Variants in GRM4 observed in about 807,000 individuals in gnomAD.
The protein encoded by GRM4 is glutamate metabotropic receptor 4.
A neutral mutation model predicts 81.7 loss-of-function variants in GRM4; 28 were observed. That is an observed-to-expected ratio of 0.34 (90% CI 0.25 to 0.47). GRM4 has a LOEUF of 0.47. Ranked by LOEUF, GRM4 falls within the 20% of genes least tolerant of loss-of-function variation. GRM4 has a pLI of 1.00. For missense variants in GRM4, 948 were observed against 1,290.0 expected (o/e 0.73, Z 4.06); for synonymous variants, 488 against 528.8 (o/e 0.92, Z 1.06).
intron 5 of GRM4, 40 bp downstream of exon 5, chr6:34,058,934 T>A (rs1342548711): frequency 3.2e-6 from 5 of 1,564,348 alleles, no homozygotes; most frequent in Non-Finnish European, 4.4e-6. Context: ...GGAGGAGCAG[T>A]CCAGGATGGT....
chr6:34,149,945 G>T (rs1771011966), upstream of GRM4, among the ~76,000 whole-genome samples: 2 of 152,188 alleles, frequency 1.3e-5, no homozygotes, highest in African/African-American at 4.8e-5. Context: ...GTGCCTTGGT[G>T]GGGGAACACT....
rs992159943 is a variant in GRM4 at position 34,059,500 on chromosome 6, G to A, written c.873-372C>T. 9 of 280,744 alleles carry A rather than the reference G, an allele frequency of 3.2e-5. No individual in the cohort carries two copies. Among genetic ancestry groups the A allele is most frequent in the African/African-American group, 1.1e-4 (5 of 46,080 alleles). 17.4% of individuals were successfully genotyped at this position (280,744 alleles called of 1,614,324 possible). ...CTGCCCAGCCCCGGTCCCCTGAGAC[G>A]CATGCCTTCCTGGCTCATCCACCCC... On this transcript the variant is annotated intron_variant, in intron 4 of 10. Transcript: ENST00000538487. This position sits in a 1 kb window ranked among gnomAD's most constrained non-coding sequence, Gnocchi z 5.7.
chr6:34,059,086 A>G lies in GRM4; in HGVS notation c.915T>C (p.His305=). The G allele has an allele frequency of 1.2e-6, 2 of 1,613,926 alleles. No individual in the cohort carries two copies. The highest frequency in any genetic ancestry group is 1.7e-6 in the Non-Finnish European group (2 of 1,179,968). The change falls in exon 5 of 11, where the codon CAT becomes CAC. Residue 305 remains histidine (H), a synonymous_variant. Coordinates refer to ENST00000538487, the MANE Select transcript of GRM4 (RefSeq NM_000841.4). The surrounding 1 kb of genome is among the most constrained non-coding windows in gnomAD (Gnocchi z 5.7). ...EAARRANQTG[H]FFWMGSDSWG... is the part of the protein sequence containing the mutation. Reference sequence around the variant, plus strand: ...AGCTGTCAGAGCCCATCCAGAAGAAATGGCCTGTCTGGTTGGCCCTTCGTG... The same window carrying G: ...AGCTGTCAGAGCCCATCCAGAAGAAGTGGCCTGTCTGGTTGGCCCTTCGTG...
chr6:34,107,273 C>A (rs1769171255), intron 2 of GRM4, among the ~76,000 whole-genome samples: 1 of 152,160 alleles, frequency 6.6e-6, no homozygotes, highest in African/African-American at 2.4e-5. Flanking sequence ...TGGTAAGCTT[C>A]CACTCCCTCT....
chr6:34,110,742 G>A, intron 2 of GRM4: 1 of 1,501,046 alleles, frequency 6.7e-7, no homozygotes, highest in Non-Finnish European at 8.8e-7. Context: ...AGCACCTGCA[G>A]CCCGTGAGTC....
In GRM4 at chr6:34,101,450, G is replaced by A. The variant is rs554992435; in HGVS notation, c.520-9351C>T. On this transcript the variant is annotated intron_variant, in intron 2 of 10. Coordinates refer to ENST00000538487, the MANE Select transcript of GRM4 (RefSeq NM_000841.4). ...CTGTCAGGTAAAACCTGTCTCCTGC[G>A]TACACGGTGGGCCTACACATGCATA... Among the ~76,000 whole-genome samples the A allele has an allele frequency of 1.8e-3, 281 of 152,186 alleles. 1 individual carries two copies. The highest frequency in any genetic ancestry group is 5.3e-3 in the African/African-American group (218 of 41,508).
chr6:34,044,393 TACATACACATATATACACAGACACAC>T, intron 6 of GRM4, among the ~76,000 whole-genome samples: 1 of 139,882 alleles, frequency 7.1e-6, no homozygotes, highest in African/African-American at 2.7e-5. Flanking sequence ...TAGACATACA[TACATACACATATATACACAGACACAC>T]ACATACACAC....
In GRM4 at chr6:34,048,499, T is replaced by C. The variant is rs1012930709; in HGVS notation, c.1169-7751A>G. Among the ~76,000 whole-genome samples, 5 of 151,994 alleles carry C rather than the reference T, an allele frequency of 3.3e-5. No individual in the cohort carries two copies. Among genetic ancestry groups the C allele is most frequent in the Admixed American group, 6.6e-5 (1 of 15,266 alleles). ...CTCTGGGGACTGACTCTCAGGCAAATGTGGATGAGCCGCCCCTGCTAACAA... is the reference window on the plus strand; with the variant it reads ...CTCTGGGGACTGACTCTCAGGCAAACGTGGATGAGCCGCCCCTGCTAACAA... On this transcript the variant is annotated intron_variant, in intron 6 of 10. Coordinates refer to ENST00000538487, the MANE Select transcript of GRM4 (RefSeq NM_000841.4). The surrounding 1 kb of genome is among the most constrained non-coding windows in gnomAD (Gnocchi z 4.0).
Position 34,133,551 on chromosome 6 carries a change from C to A in GRM4, c.-55G>T. 7 of 1,500,944 alleles carry A rather than the reference C, an allele frequency of 4.7e-6. No individual in the cohort carries two copies. Among genetic ancestry groups the A allele is most frequent in the Non-Finnish European group, 6.2e-6 (7 of 1,131,780 alleles). 93.0% of individuals were successfully genotyped at this position (1,500,944 alleles called of 1,614,324 possible). A position where few individuals can be genotyped will look rare whatever the true frequency, so the allele number is the denominator to read the frequency against. On this transcript the variant is annotated 5_prime_UTR_variant, in exon 2 of 11. Transcript: ENST00000538487. This position sits in a 1 kb window ranked among gnomAD's most constrained non-coding sequence, Gnocchi z 6.5. ...CAGGCCCACTCCTAGCCCTGGCAGG[C>A]CCCTGGCCCCACGGCCTGGGTGGGC...
chr6:34,040,532 C>T lies in GRM4; in HGVS notation c.1369+16G>A, dbSNP rs779975717. 5.2e-5 allele frequency: 83 copies of T among 1,605,844 alleles called. No homozygotes were observed. The South Asian group carries it at 8.4e-4, about 16-fold the overall frequency. ...AGGATACCCAGGGTCAGGCACAGTC[C>T]GCACCACACCCCCACCTGAGAAGTT... is the stretch of plus-strand genomic sequence containing the variant. On this transcript the variant is annotated intron_variant, in intron 7 of 10. Transcript: ENST00000538487.
intron 2 of GRM4, chr6:34,103,860 T>A: frequency 7.1e-7 from 1 of 1,412,292 alleles, no homozygotes; most frequent in Non-Finnish European, 9.2e-7. Flanking sequence ...ACTGCGAGGG[T>A]CCCGAGGGAG....
chr6:34,116,095 C>T (rs938513043), intron 2 of GRM4, among the ~76,000 whole-genome samples: 1 of 152,178 alleles, frequency 6.6e-6, no homozygotes, highest in African/African-American at 2.4e-5. Flanking sequence ...GGGTCACCCA[C>T]AAGATTTAAT....
intron 3 of GRM4, among the ~76,000 whole-genome samples, chr6:34,071,214 A>G (rs1678881936): frequency 6.6e-6 from 1 of 151,610 alleles, no homozygotes; most frequent in Non-Finnish European, 1.5e-5. Flanking sequence ...CCTATACATC[A>G]CCACACAGAT....
chr6:34,103,505 G>T, intron 2 of GRM4: 1 of 1,188,124 alleles, frequency 8.4e-7, no homozygotes, highest in Non-Finnish European at 1.2e-6. Flanking sequence ...GGCGGGCGAG[G>T]GAGAGCAAAC....
chr6:34,148,003 C>A (rs1770973717), upstream of GRM4, among the ~76,000 whole-genome samples: 1 of 151,838 alleles, frequency 6.6e-6, no homozygotes, highest in African/African-American at 2.4e-5. Context: ...CTCTCCCCAC[C>A]CCCTGCCCCT....
Position 34,089,763 on chromosome 6 carries a change from A to C in GRM4, c.736+2120T>G. 6.6e-6 allele frequency among the ~76,000 whole-genome samples: 1 copy of C among 152,176 alleles called. No homozygotes were observed. Among genetic ancestry groups the C allele is most frequent in the East Asian group, 1.9e-4 (1 of 5,202 alleles). ...ATTAGATGTTGATAAAAAAAAAATT[A>C]AACAATAGGCTTACCTTCAGCCAAA... On this transcript the variant is annotated intron_variant, in intron 3 of 10. Transcript: ENST00000538487. The surrounding 1 kb of genome is among the most constrained non-coding windows in gnomAD (Gnocchi z 4.3).
chr6:34,107,860 C>G (rs995115697), intron 2 of GRM4, among the ~76,000 whole-genome samples: 2 of 152,308 alleles, frequency 1.3e-5, no homozygotes, highest in African/African-American at 2.4e-5. Flanking sequence ...AAATACAACC[C>G]TCCCTCAAAC....
At position 34,102,096 on chromosome 6, in the gene GRM4, A is replaced by G. The variant is rs1254246722; in HGVS notation, c.520-9997T>C. On this transcript the variant is annotated intron_variant, in intron 2 of 10. Coordinates refer to ENST00000538487, the MANE Select transcript of GRM4 (RefSeq NM_000841.4). ...TTTCTCTTGGCGCCATCATGGGGAA[A>G]TAGCTTGGGAAGAGTTTGCACCATC... is the stretch of plus-strand genomic sequence containing the variant. The G allele has an allele frequency of 3.3e-6, 5 of 1,535,622 alleles. No homozygotes were observed. The East Asian group carries it at 1.2e-4, about 38-fold the overall frequency.
chr6:34,056,436 G>GGCCGGCC, intron 6 of GRM4, 108 bp downstream of exon 6: 1 of 998,630 alleles, frequency 1.0e-6, no homozygotes, highest in Non-Finnish European at 1.4e-6. Context: ...GTCCTGCCAC[G>GGCCGGCC]GCCGGCCGAC....
Sources: allele counts gnomAD v4.1 joint callset (sites outside exome capture counted in the v4.1 genomes callset), GRCh38; gene constraint gnomAD v4.1.1; non-coding constraint Gnocchi (gnomAD v3.1); transcripts MANE v1.5; gene names NCBI Gene and HGNC (gene_info 2026-07-23, HGNC 2026-07-21).